Variants in MVB12B observed in about 807,000 individuals in gnomAD.
MVB12B encodes the protein ESCRT-I complex subunit MVB12B.
MVB12B carries 16 observed loss-of-function variants against 41.6 expected under a neutral mutation model. The ratio of observed to expected loss-of-function variants is 0.38; its 90% CI spans 0.26 to 0.58. The LOEUF (loss-of-function observed/expected upper bound fraction) is 0.58, where lower values mean the gene tolerates loss of function less well. Ranked by LOEUF, MVB12B falls within the 20% of genes least tolerant of loss-of-function variation. The pLI, the probability that MVB12B is intolerant of heterozygous loss-of-function variation, is 0.62. For synonymous variants in MVB12B, 133 were observed against 139.7 expected (o/e 0.95, Z 0.34); for missense variants, 274 against 380.2 (o/e 0.72, Z 2.32).
chr9:126,444,882 C>T (rs943238318), intron 7 of MVB12B, among the ~76,000 whole-genome samples: 1 of 152,172 alleles, frequency 6.6e-6, no homozygotes, highest in African/African-American at 2.4e-5. Flanking sequence ...TAACCTCTTA[C>T]TGTGATGTAT....
At chr9:126,501,593 G>A (rs951515352) in intron 9 of MVB12B, among the ~76,000 whole-genome samples, 1 of 152,236 alleles carries the variant, frequency 6.6e-6, no homozygotes, top group Non-Finnish European at 1.5e-5. Flanking sequence ...ATAGTGCTGG[G>A]CTTTGGCTGT....
chr9:126,462,358 C>T (rs144183545), intron 7 of MVB12B, among the ~76,000 whole-genome samples: 6 of 152,272 alleles, frequency 3.9e-5, no homozygotes, highest in African/African-American at 7.2e-5. Context: ...GTCACATTTC[C>T]GTGCCCGCAT....
chr9:126,348,565 G>A (rs1352909200), intron 2 of MVB12B, among the ~76,000 whole-genome samples: 3 of 152,198 alleles, frequency 2.0e-5, no homozygotes, highest in East Asian at 1.9e-4. Flanking sequence ...GACTTGTTCC[G>A]TAGTTGATTC....
chr9:126,391,960 C>G lies in MVB12B; in HGVS notation c.410-106C>G. 7.5e-7 allele frequency: 1 copy of G among 1,332,166 alleles called. No individual in the cohort carries two copies. Among genetic ancestry groups the G allele is most frequent in the Non-Finnish European group, 1.1e-6 (1 of 942,634 alleles). 82.5% of individuals were successfully genotyped at this position (1,332,166 alleles called of 1,614,324 possible). On this transcript the variant is annotated intron_variant, in intron 4 of 9. Coordinates refer to ENST00000361171, the MANE Select transcript of MVB12B (RefSeq NM_033446.3). The surrounding 1 kb of genome is among the most constrained non-coding windows in gnomAD (Gnocchi z 4.4). ...TCTGTCCAGCAGCTTAGGTGACCTG[C>G]CACTTCTGCTGCCAGGAATAGGGCG...
chr9:126,392,039 T>A lies in MVB12B; in HGVS notation c.410-27T>A. 2 of 1,613,766 alleles carry A rather than the reference T, an allele frequency of 1.2e-6. No homozygotes were observed. The highest frequency in any genetic ancestry group is 8.5e-7 in the Non-Finnish European group (1 of 1,179,694). ...GATTCTGGTATCTCTGGAAAACTCA[T>A]ACCTTTTCTATTGTCCTTTCCTTCA... On this transcript the variant is annotated intron_variant, in intron 4 of 9. Coordinates refer to ENST00000361171, the MANE Select transcript of MVB12B (RefSeq NM_033446.3). The surrounding 1 kb of genome is among the most constrained non-coding windows in gnomAD (Gnocchi z 4.8).
chr9:126,453,416 G>A (rs192846700), intron 7 of MVB12B, among the ~76,000 whole-genome samples: 4 of 152,304 alleles, frequency 2.6e-5, no homozygotes, highest in Admixed American at 2.6e-4. Context: ...CAGGAGTGTT[G>A]CTGTTTGCCC....
chr9:126,368,960 A>G (rs1017920398), intron 2 of MVB12B, among the ~76,000 whole-genome samples: 3 of 152,160 alleles, frequency 2.0e-5, no homozygotes, highest in African/African-American at 7.2e-5. Context: ...TGTCATGTAG[A>G]TCTTTCTAGA....
chr9:126,369,726 T>C (rs1387731584), intron 2 of MVB12B, among the ~76,000 whole-genome samples: 1 of 152,226 alleles, frequency 6.6e-6, no homozygotes, highest in Non-Finnish European at 1.5e-5. Context: ...CAATCTCAGC[T>C]CACTGCAACC....
At chr9:126,476,507 G>T (rs1833422929) in intron 7 of MVB12B, among the ~76,000 whole-genome samples, 1 of 152,146 alleles carries the variant, frequency 6.6e-6, no homozygotes, top group African/African-American at 2.4e-5. Flanking sequence ...ATCATATGTG[G>T]GTGTGTGTAT....
At position 126,468,803 on chromosome 9, in the gene MVB12B, A is replaced by G. The variant is rs1040289505; in HGVS notation, c.758-12566A>G. Among the ~76,000 whole-genome samples the G allele has an allele frequency of 7.9e-5, 12 of 152,294 alleles. No individual in the cohort carries two copies. The highest frequency in any genetic ancestry group is 1.9e-4 in the East Asian group (1 of 5,176). ...CCTTTGGTGGCTCCCCAGGGACCTCATGATGTCCTTCAGTCTGCTGAGAAT... is the reference window on the plus strand; with the variant it reads ...CCTTTGGTGGCTCCCCAGGGACCTCGTGATGTCCTTCAGTCTGCTGAGAAT... On this transcript the variant is annotated intron_variant, in intron 7 of 9. Coordinates refer to ENST00000361171, the MANE Select transcript of MVB12B (RefSeq NM_033446.3). The surrounding 1 kb of genome is among the most constrained non-coding windows in gnomAD (Gnocchi z 4.3).
rs1053286312 is a variant in MVB12B, at chr9:126,367,997, G to A, written c.205-13067G>A. On this transcript the variant is annotated intron_variant, in intron 2 of 9. Transcript: ENST00000361171. This position sits in a 1 kb window ranked among gnomAD's most constrained non-coding sequence, Gnocchi z 4.3. ...TCCTGAAGAGATGAATTGCAGCTTA[G>A]TGATGATGGCACATGCTGGGGAGGG... is the stretch of plus-strand genomic sequence containing the variant. Among the ~76,000 whole-genome samples the A allele has an allele frequency of 6.6e-6, 1 of 152,238 alleles. No individual in the cohort carries two copies. Among genetic ancestry groups the A allele is most frequent in the Non-Finnish European group, 1.5e-5 (1 of 68,048 alleles).
In MVB12B at chr9:126,404,446, C is replaced by T. The variant is rs528930693; in HGVS notation, c.662+8749C>T. On this transcript the variant is annotated intron_variant, in intron 6 of 9. Coordinates refer to ENST00000361171, the MANE Select transcript of MVB12B (RefSeq NM_033446.3). ...TGCAGACTGTCACGAGGCCCCCAGC[C>T]GTGAAGCCTCTCATCAGGGAGCCAA... 5.3e-5 allele frequency among the ~76,000 whole-genome samples: 8 copies of T among 152,340 alleles called. No homozygotes were observed. In the East Asian group the frequency reaches 9.7e-4, roughly 18 times the overall value.
At chr9:126,351,534 A>G (rs1829749534) in intron 2 of MVB12B, among the ~76,000 whole-genome samples, 1 of 130,352 alleles carries the variant, frequency 7.7e-6, no homozygotes, top group East Asian at 2.2e-4. Flanking sequence ...TGCTGCCTAA[A>G]CTGGAGTGCA....
At chr9:126,437,188 G>A in intron 7 of MVB12B, among the ~76,000 whole-genome samples, 1 of 152,272 alleles carries the variant, frequency 6.6e-6, no homozygotes. Flanking sequence ...TGCTGTATTT[G>A]TTTGCTTGCG....
rs1034320023 is a variant in MVB12B at position 126,376,253 on chromosome 9, T to A, written c.205-4811T>A. Among the ~76,000 whole-genome samples the A allele has an allele frequency of 5.3e-5, 8 of 152,246 alleles. No individual in the cohort carries two copies. Among genetic ancestry groups the A allele is most frequent in the African/African-American group, 1.9e-4 (8 of 41,454 alleles). On this transcript the variant is annotated intron_variant, in intron 2 of 9. Transcript: ENST00000361171. The surrounding 1 kb of genome is among the most constrained non-coding windows in gnomAD (Gnocchi z 4.1). ...GTTTTCATAATACTCTGTTCTTGTT[T>A]GGTATTTGCAGTCTATTCACTCATC...
At chr9:126,347,372 C>T (rs1002499172) in intron 2 of MVB12B, among the ~76,000 whole-genome samples, 1 of 152,262 alleles carries the variant, frequency 6.6e-6, no homozygotes, top group East Asian at 1.9e-4. Flanking sequence ...CCCCCCATGT[C>T]TCTTTCTCTC....
At chr9:126,329,106 A>T (rs1829060109) in intron 1 of MVB12B, among the ~76,000 whole-genome samples, 2 of 152,176 alleles carry the variant, frequency 1.3e-5, no homozygotes, top group South Asian at 4.1e-4. Context: ...TCAACGGGAC[A>T]ACCAGGAAGT....
At chr9:126,476,739 T>C (rs1833429074) in intron 7 of MVB12B, among the ~76,000 whole-genome samples, 1 of 151,576 alleles carries the variant, frequency 6.6e-6, no homozygotes, top group Non-Finnish European at 1.5e-5. Context: ...TAGCCGGGCA[T>C]GGTGGCGGGT....
intron 2 of MVB12B, among the ~76,000 whole-genome samples, chr9:126,355,140 C>A (rs1484246834): frequency 6.6e-6 from 1 of 152,194 alleles, no homozygotes; most frequent in African/African-American, 2.4e-5. Context: ...ACAGATGAAA[C>A]CCACGGCAGC....
Sources: gnomAD v4.1 joint callset for allele counts (sites outside exome capture counted in the v4.1 genomes callset) on GRCh38, gnomAD v4.1.1 for gene constraint, Gnocchi (gnomAD v3.1) non-coding constraint, MANE v1.5 for transcripts, NCBI Gene and HGNC (gene_info 2026-07-23, HGNC 2026-07-21) for gene names.